The following ZCCHC4 variants were observed in gnomAD, a reference collection of about 807,000 sequenced individuals.
ZCCHC4 encodes the protein zinc finger CCHC-type containing 4.
ZCCHC4 carries 54 observed loss-of-function variants against 67.7 expected under a neutral mutation model. The observed-to-expected ratio is 0.80, with a 90% CI of 0.64 to 1.00. The LOEUF (loss-of-function observed/expected upper bound fraction) is 1.00. ZCCHC4 is among the 50% of genes least tolerant of loss of function. The probability of loss-of-function intolerance (pLI) is 0.00; values close to 1 mark genes in which losing one functional copy is unlikely to be tolerated. For synonymous variants in ZCCHC4, 198 were observed against 213.5 expected, an observed-to-expected ratio of 0.93 and a Z score of 0.63; for missense variants, 609 against 617.0, an observed-to-expected ratio of 0.99 and a Z score of 0.14.
chr4:25,331,667 C>T (rs1288384080), intron 3 of ZCCHC4, among the ~76,000 whole-genome samples: 2 of 152,064 alleles, frequency 1.3e-5, no homozygotes, highest in Non-Finnish European at 2.9e-5. Flanking sequence ...TTTCTGTTGC[C>T]GAAGAGTGTT....
chr4:25,330,631 T>A (rs1191042908), intron 3 of ZCCHC4, among the ~76,000 whole-genome samples: 2 of 152,244 alleles, frequency 1.3e-5, no homozygotes, highest in Non-Finnish European at 2.9e-5. Context: ...GAAAGTTTGC[T>A]GACCCTGCTT....
chr4:25,354,295 A>G (rs1260396932), intron 8 of ZCCHC4, among the ~76,000 whole-genome samples: 1 of 152,244 alleles, frequency 6.6e-6, no homozygotes, highest in Non-Finnish European at 1.5e-5. Flanking sequence ...AATAGTTGCA[A>G]GGTCCAAGTG....
chr4:25,365,388 C>T, intron 12 of ZCCHC4: 6 of 1,340,320 alleles, frequency 4.5e-6, no homozygotes, highest in Non-Finnish European at 5.7e-6. Flanking sequence ...TGAAAATAAC[C>T]AAAATATGAG....
chr4:25,366,035 T>C (rs973671580), intron 12 of ZCCHC4: 5 of 979,026 alleles, frequency 5.1e-6, no homozygotes, highest in Non-Finnish European at 4.9e-6. Context: ...TGGGCTACCA[T>C]GTGACTATGA....
Position 25,361,801 on chromosome 4 carries a change from T to C in ZCCHC4, c.1012-58T>C, listed in dbSNP as rs116595925. The C allele has an allele frequency of 8.0e-4, 1,205 of 1,503,602 alleles. 2 individuals are homozygous for C. Among genetic ancestry groups the C allele is most frequent in the Admixed American group, 3.0e-3 (155 of 51,680 alleles). The allele number at this position is 1,503,602 out of a possible 1,614,324, so 93.1% of individuals were successfully genotyped here. A position where few individuals can be genotyped will look rare whatever the true frequency, so the allele number is the denominator to read the frequency against. ...GTTTGTTCGTTTATTGGTTAAAGAA[T>C]CTTAATGTTGACTAATTTGAGTAAA... On this transcript the variant is annotated intron_variant, in intron 8 of 12. Transcript: ENST00000302874.
intron 5 of ZCCHC4, among the ~76,000 whole-genome samples, chr4:25,341,700 T>A (rs954893718): frequency 1.3e-5 from 2 of 152,242 alleles, no homozygotes; most frequent in African/African-American, 4.8e-5. Context: ...GATTTTCTAC[T>A]GCGCCCCTAA....
At chr4:25,362,380 A>G (rs1720778695) in intron 10 of ZCCHC4, 79 bp downstream of exon 10, 1 of 948,152 alleles carries the variant, frequency 1.1e-6, no homozygotes, top group Admixed American at 2.9e-5. Context: ...TACTTTTTCA[A>G]TGTTATTTTG....
At chr4:25,313,526 ATTAT>A (rs1560393719) in intron 1 of ZCCHC4, among the ~76,000 whole-genome samples, 1 of 152,220 alleles carries the variant, frequency 6.6e-6, no homozygotes, top group South Asian at 2.1e-4. Context: ...GTTTTCAAAA[ATTAT>A]TTATAAGTAG....
At chr4:25,331,767 C>G (rs1307176757) in intron 3 of ZCCHC4, among the ~76,000 whole-genome samples, 1 of 152,200 alleles carries the variant, frequency 6.6e-6, no homozygotes, top group African/African-American at 2.4e-5. Context: ...TAATATCCCT[C>G]TATCTCCTTT....
chr4:25,325,451 A>G (rs1718831976), intron 3 of ZCCHC4, among the ~76,000 whole-genome samples: 2 of 151,400 alleles, frequency 1.3e-5, no homozygotes, highest in South Asian at 4.2e-4. Context: ...TTTAGTAGAG[A>G]TGGTGTTTCA....
chr4:25,341,511 A>G (rs1235530122), intron 5 of ZCCHC4, among the ~76,000 whole-genome samples: 1 of 151,902 alleles, frequency 6.6e-6, no homozygotes, highest in Non-Finnish European at 1.5e-5. Context: ...TTTCCTTTCC[A>G]CCATAAGTAA....
intron 3 of ZCCHC4, among the ~76,000 whole-genome samples, chr4:25,326,167 G>A (rs189937749): frequency 6.6e-6 from 1 of 152,346 alleles, no homozygotes; most frequent in Non-Finnish European, 1.5e-5. Flanking sequence ...AAGAGAATTT[G>A]TTTCTTGCTT....
intron 6 of ZCCHC4, among the ~76,000 whole-genome samples, chr4:25,347,985 A>G (rs1049172620): frequency 4.6e-5 from 7 of 151,966 alleles, no homozygotes; most frequent in Non-Finnish European, 8.8e-5. Flanking sequence ...CTATGATGCC[A>G]TTGATTCTTA....
intron 12 of ZCCHC4, among the ~76,000 whole-genome samples, chr4:25,367,697 A>G (rs1158540866): frequency 6.6e-6 from 1 of 152,196 alleles, no homozygotes. Flanking sequence ...AGACTGTTCT[A>G]TTTTGAACTG....
At chr4:25,346,239 T>TAAA (rs34624621) in intron 6 of ZCCHC4, among the ~76,000 whole-genome samples, 6 of 147,410 alleles carry the variant, frequency 4.1e-5, no homozygotes, top group African/African-American at 1.5e-4. Flanking sequence ...AAAAGTTCTT[T>TAAA]AAAAAAAAAA....
intron 3 of ZCCHC4, among the ~76,000 whole-genome samples, chr4:25,332,012 A>G (rs1307019779): frequency 6.6e-6 from 1 of 152,196 alleles, no homozygotes; most frequent in Admixed American, 6.5e-5. Flanking sequence ...AGTTCCATCA[A>G]AACTGTATGA....
In ZCCHC4 at chr4:25,314,130, AAG is replaced by A; in HGVS notation, c.214_215del (p.Asp72LeufsTer2). 2 of 1,607,516 alleles carry A rather than the reference AAG, an allele frequency of 1.2e-6. No individual in the cohort carries two copies. The highest frequency in any genetic ancestry group is 1.7e-6 in the Non-Finnish European group (2 of 1,178,226). On this transcript the variant is annotated frameshift_variant, in exon 2 of 13. Coordinates refer to ENST00000302874, the MANE Select transcript of ZCCHC4 (RefSeq NM_024936.3). LOFTEE classifies it high-confidence loss of function. ...GCCTGTTCAGCCTGTAGAGATAGAA[AAG>A]ACTGTAATTTTTTTCAGTGGGAAGA...
rs530705670 is a variant in ZCCHC4, at chr4:25,349,838, T to C, written c.910+196T>C. 1.3e-4 allele frequency among the ~76,000 whole-genome samples: 20 copies of C among 152,322 alleles called. No individual in the cohort carries two copies. The South Asian group carries it at 2.1e-3, about 16-fold the overall frequency. Reference sequence around the variant, plus strand: ...TGTATTATTCTAATCATGTGGATTTTTTTAATGGCTTATAGGTAAAATACT... The same window carrying C: ...TGTATTATTCTAATCATGTGGATTTCTTTAATGGCTTATAGGTAAAATACT... On this transcript the variant is annotated intron_variant, in intron 7 of 12. Transcript: ENST00000302874.
intron 9 of ZCCHC4, 43 bp downstream of exon 9, chr4:25,362,023 A>G: frequency 6.3e-7 from 1 of 1,583,656 alleles, no homozygotes. Flanking sequence ...GTCACTGAAA[A>G]TAAAGTTACA....
Sources: allele counts gnomAD v4.1 joint callset (sites outside exome capture counted in the v4.1 genomes callset), GRCh38; gene constraint gnomAD v4.1.1; transcripts MANE v1.5; gene names NCBI Gene and HGNC (gene_info 2026-07-23, HGNC 2026-07-21).